The following RND3 variants were observed in gnomAD, a reference collection of about 807,000 sequenced individuals.
The protein encoded by RND3 is rho-related GTP-binding protein RhoE.
In RND3, 8 loss-of-function variants were observed where a neutral mutation model predicts 26.5. That is an observed-to-expected ratio of 0.30 (90% CI 0.18 to 0.54). The LOEUF (loss-of-function observed/expected upper bound fraction) is 0.54. Ranked by LOEUF, RND3 falls within the 20% of genes least tolerant of loss-of-function variation. RND3 has a pLI of 0.94. For synonymous variants in RND3, 113 were observed against 113.0 expected (o/e 1.00, Z 0.00); for missense variants, 207 against 302.8 (o/e 0.68, Z 2.35).
intron 3 of RND3, among the ~76,000 whole-genome samples, chr2:150,475,673 T>C (rs758218009): frequency 2.6e-5 from 4 of 152,246 alleles, no homozygotes; most frequent in Non-Finnish European, 5.9e-5. Flanking sequence ...TAAGTTTACA[T>C]AGGCCATTGA....
intron 3 of RND3, among the ~76,000 whole-genome samples, chr2:150,477,098 C>G (rs1389788866): frequency 6.6e-6 from 1 of 152,084 alleles, no homozygotes. Flanking sequence ...CAACCTGATC[C>G]CAGACCCAGG....
intron 5 of RND3, 79 bp downstream of exon 5, chr2:150,471,548 T>C: frequency 8.1e-7 from 1 of 1,241,332 alleles, no homozygotes; most frequent in South Asian, 1.6e-5. Context: ...AGCTACTTTT[T>C]ATTTTATTTA....
At chr2:150,477,506 C>T (rs192674187) in intron 3 of RND3, among the ~76,000 whole-genome samples, 24 of 152,300 alleles carry the variant, frequency 1.6e-4, no homozygotes, top group Admixed American at 7.8e-4. Flanking sequence ...ACCCCTCCCC[C>T]CTTTGTGGAC....
chr2:150,483,814 A>G (rs116091780), intron 3 of RND3, among the ~76,000 whole-genome samples: 2,939 of 152,280 alleles, frequency 0.019, 42 homozygotes, highest in South Asian at 0.031. Context: ...ACTAACTAAC[A>G]TTTCACCTCA....
chr2:150,469,683 G>T lies in RND3; in HGVS notation c.*304C>A. On this transcript the variant is annotated 3_prime_UTR_variant, in exon 6 of 6. Transcript: ENST00000263895. ...CAAAAATGCAAGCACCATTCAGAGT[G>T]TGATTTTTCTTCTTGGAGGTACTCG... is the stretch of plus-strand genomic sequence containing the variant. 3.1e-6 allele frequency: 1 copy of T among 318,320 alleles called. No homozygotes were observed. The allele number at this position is 318,320 out of a possible 1,614,324, so 19.7% of individuals were successfully genotyped here. A position where few individuals can be genotyped will look rare whatever the true frequency, so the allele number is the denominator to read the frequency against.
chr2:150,477,657 T>G (rs1686190218), intron 3 of RND3, among the ~76,000 whole-genome samples: 1 of 152,184 alleles, frequency 6.6e-6, no homozygotes, highest in Non-Finnish European at 1.5e-5. Context: ...TCTAAATATC[T>G]GCAAAATTTA....
In RND3 at chr2:150,487,472, A is replaced by ATATATATATATATAT. The variant is rs1395547619; in HGVS notation, c.-38-18_-38-17insATATATATATATATA. The ATATATATATATATAT allele has an allele frequency of 8.2e-4, 282 of 344,852 alleles. 1 individual carries two copies. Among genetic ancestry groups the ATATATATATATATAT allele is most frequent in the Admixed American group, 2.0e-3 (24 of 11,944 alleles). The allele number at this position is 344,852 out of a possible 1,614,324, so 21.4% of individuals were successfully genotyped here. On this transcript the variant is annotated splice_polypyrimidine_tract_variant and intron_variant, in intron 1 of 5. Coordinates refer to ENST00000263895, the MANE Select transcript of RND3 (RefSeq NM_005168.5). ...GAATTTTCTCTTAAGAAGAAAAAAAAAAATATATATATATATATATATTTC... is the reference window on the plus strand; with the variant it reads ...GAATTTTCTCTTAAGAAGAAAAAAAATATATATATATATATAAATATATATATATATATATATTTC...
chr2:150,487,477 ATATAT>A lies in RND3; in HGVS notation c.-38-27_-38-23del. The A allele has an allele frequency of 1.9e-5, 6 of 321,278 alleles. No individual in the cohort carries two copies. The South Asian group carries it at 6.0e-4, about 32-fold the overall frequency. 19.9% of individuals were successfully genotyped at this position (321,278 alleles called of 1,614,324 possible). A position where few individuals can be genotyped will look rare whatever the true frequency, so the allele number is the denominator to read the frequency against. On this transcript the variant is annotated intron_variant, in intron 1 of 5. Transcript: ENST00000263895. The stretch of plus-strand genomic sequence containing the variant: ...TTCTCTTAAGAAGAAAAAAAAAAAT[ATATAT>A]ATATATATATATTTCTCTCTTTATA...
chr2:150,487,474 A>AAAAAAATATATATATATAT lies in RND3; in HGVS notation c.-38-20_-38-19insATATATATATATATTTTTT. 299 of 200,716 alleles carry AAAAAAATATATATATATAT rather than the reference A, an allele frequency of 1.5e-3. No homozygotes were observed. The highest frequency in any genetic ancestry group is 3.4e-3 in the Admixed American group (47 of 13,806). 12.4% of individuals were successfully genotyped at this position (200,716 alleles called of 1,614,324 possible). A position where few individuals can be genotyped will look rare whatever the true frequency, so the allele number is the denominator to read the frequency against. On this transcript the variant is annotated intron_variant, in intron 1 of 5. Coordinates refer to ENST00000263895, the MANE Select transcript of RND3 (RefSeq NM_005168.5). The stretch of plus-strand genomic sequence containing the variant: ...ATTTTCTCTTAAGAAGAAAAAAAAA[A>AAAAAAATATATATATATAT]ATATATATATATATATATATTTCTC...
intron 4 of RND3, among the ~76,000 whole-genome samples, chr2:150,473,002 C>T (rs1686111057): frequency 6.6e-6 from 1 of 151,274 alleles, no homozygotes; most frequent in Non-Finnish European, 1.5e-5. Context: ...TCCTCCCTCC[C>T]TCCCTCCCTT....
Position 150,470,011 on chromosome 2 carries a change from T to C in RND3, c.711A>G (p.Lys237=), listed in dbSNP as rs1686056719. 6 of 1,613,914 alleles carry C rather than the reference T, an allele frequency of 3.7e-6. No individual in the cohort carries two copies. The highest frequency in any genetic ancestry group is 5.1e-6 in the Non-Finnish European group (6 of 1,179,950). ...SAVATDLRKD[K]AKSCTVM is the part of the protein sequence containing the mutation. ...TTCACATCACAGTGCAGCTCTTCGC[T>C]TTGTCCTTTCGTAAGTCCGTAGCAA... is the stretch of plus-strand genomic sequence containing the variant. Residue 237 remains lysine, a synonymous_variant, in exon 6 of 6, where the codon AAA becomes AAG. Transcript: ENST00000263895.
At chr2:150,478,990 A>AT (rs2105220284) in intron 3 of RND3, among the ~76,000 whole-genome samples, 1 of 152,204 alleles carries the variant, frequency 6.6e-6, no homozygotes, top group African/African-American at 2.4e-5. Flanking sequence ...GGGAAACTCT[A>AT]TATTGTAAAG....
In RND3 at chr2:150,486,092, C is replaced by G. The variant is rs1214726872; in HGVS notation, c.238+602G>C. 6.6e-5 allele frequency among the ~76,000 whole-genome samples: 10 copies of G among 151,566 alleles called. No individual in the cohort carries two copies. The South Asian group carries it at 1.5e-3, about 22-fold the overall frequency. On this transcript the variant is annotated intron_variant, in intron 3 of 5. Transcript: ENST00000263895. This position sits in a 1 kb window ranked among gnomAD's most constrained non-coding sequence, Gnocchi z 4.5. ...GTGGGCACCGAGGCACCGCGGGCGG[C>G]CGGCAGCGCGAAGAGGAGGTTCAGC...
chr2:150,470,386 A>C, intron 5 of RND3, 148 bp from the exon 6 acceptor site: 1 of 837,126 alleles, frequency 1.2e-6, no homozygotes. Context: ...CAAAAAAAAA[A>C]AGTTGTTAAA....
At chr2:150,481,890 C>T (rs994924008) in intron 3 of RND3, among the ~76,000 whole-genome samples, 1 of 152,056 alleles carries the variant, frequency 6.6e-6, no homozygotes, top group Non-Finnish European at 1.5e-5. Flanking sequence ...ACTTGATGTA[C>T]AATAATCTAA....
rs1686395816 is a variant in RND3, at chr2:150,487,317, CACTG to C, written c.97_100del (p.Gln33ValfsTer38). On this transcript the variant is annotated frameshift_variant, in exon 2 of 6. Coordinates refer to ENST00000263895, the MANE Select transcript of RND3 (RefSeq NM_005168.5). LOFTEE classifies it high-confidence loss of function. Reference sequence around the variant, plus strand: ...GACATGGAGCAGCGCAGTTTTTCCACACTGACTGTCTCCCACCACAACTATCTTG... The same window carrying C: ...GACATGGAGCAGCGCAGTTTTTCCACACTGTCTCCCACCACAACTATCTTG... The C allele has an allele frequency of 1.2e-6, 2 of 1,605,854 alleles. No homozygotes were observed. Among genetic ancestry groups the C allele is most frequent in the Non-Finnish European group, 8.5e-7 (1 of 1,175,694 alleles).
At position 150,469,383 on chromosome 2, in the gene RND3, A is replaced by G. The variant is rs1366473571; in HGVS notation, c.*604T>C. The G allele has an allele frequency of 6.5e-6, 1 of 152,854 alleles. No individual in the cohort carries two copies. The highest frequency in any genetic ancestry group is 1.5e-5 in the Non-Finnish European group (1 of 68,272). The allele number at this position is 152,854 out of a possible 1,614,324, so 9.5% of individuals were successfully genotyped here. On this transcript the variant is annotated 3_prime_UTR_variant, in exon 6 of 6. Coordinates refer to ENST00000263895, the MANE Select transcript of RND3 (RefSeq NM_005168.5). ...GATTGCAAAGGCTTTCCTTAGAACC[A>G]TCCTACTCAGCTATCTTCAGGAAGG...
chr2:150,474,603 A>T (rs1686136460), intron 4 of RND3, among the ~76,000 whole-genome samples: 1 of 152,216 alleles, frequency 6.6e-6, no homozygotes, highest in South Asian at 2.1e-4. Flanking sequence ...ATCAAATATA[A>T]CTGTTGTTAG....
At chr2:150,475,177 C>T (rs1686144898) in intron 3 of RND3, 193 bp from the exon 4 acceptor site, 1 of 486,556 alleles carries the variant, frequency 2.1e-6, no homozygotes, top group Non-Finnish European at 3.7e-6. Context: ...TGAAGCCTCA[C>T]ATGTGTCTGA....
Sources: gnomAD v4.1 joint callset for allele counts (sites outside exome capture counted in the v4.1 genomes callset) on GRCh38, gnomAD v4.1.1 for gene constraint, Gnocchi (gnomAD v3.1) non-coding constraint, MANE v1.5 for transcripts, NCBI Gene and HGNC (gene_info 2026-07-23, HGNC 2026-07-21) for gene names.